Variants in PRR5 observed in about 807,000 individuals in gnomAD.
PRR5 encodes proline rich 5, also known as proline-rich protein 5.
PRR5 carries 25 observed loss-of-function variants against 30.6 expected under a neutral mutation model. That is an observed-to-expected ratio of 0.82 (90% CI 0.60 to 1.14). The LOEUF (loss-of-function observed/expected upper bound fraction) is 1.14. Ranked by LOEUF, PRR5 falls within the 50% of genes most tolerant of loss-of-function variation. The pLI, the probability that PRR5 is intolerant of heterozygous loss-of-function variation, is 0.00. For synonymous variants in PRR5, 286 were observed against 247.1 expected (o/e 1.16, Z -1.48); for missense variants, 600 against 547.1 (o/e 1.10, Z -0.96).
intron 3 of PRR5, 85 bp downstream of exon 3, chr22:44,725,377 G>C: frequency 6.3e-7 from 1 of 1,574,976 alleles, no homozygotes. Context: ...CCGGGGGTGT[G>C]GAGCGCCGGC....
At chr22:44,681,031 G>T (rs181618182) in intron 1 of PRR5, among the ~76,000 whole-genome samples, 1 of 152,344 alleles carries the variant, frequency 6.6e-6, no homozygotes, top group Non-Finnish European at 1.5e-5. Context: ...CACGGCAGCG[G>T]CTCTGCCTTC....
chr22:44,733,798 A>G (rs1347007671), intron 6 of PRR5, among the ~76,000 whole-genome samples: 2 of 152,102 alleles, frequency 1.3e-5, no homozygotes, highest in Non-Finnish European at 2.9e-5. Context: ...TCATTGTAAC[A>G]CAGGCCAGGA....
At chr22:44,678,272 G>T (rs1923945166) in intron 1 of PRR5, among the ~76,000 whole-genome samples, 1 of 150,190 alleles carries the variant, frequency 6.7e-6, no homozygotes. Flanking sequence ...CTGTTCCTAT[G>T]CCTAGTCTGA....
chr22:44,681,210 G>A (rs529207131), intron 1 of PRR5, among the ~76,000 whole-genome samples: 1 of 152,312 alleles, frequency 6.6e-6, no homozygotes, highest in East Asian at 1.9e-4. Flanking sequence ...TCTGCAGGAT[G>A]ATGGCTGTTC....
intron 7 of PRR5, among the ~76,000 whole-genome samples, chr22:44,736,231 A>C (rs1923225876): frequency 6.6e-6 from 1 of 152,086 alleles, no homozygotes; most frequent in Non-Finnish European, 1.5e-5. Context: ...GCCTGGCTAC[A>C]GGCTCCCCGC....
intron 1 of PRR5, among the ~76,000 whole-genome samples, chr22:44,668,973 T>C (rs1923257410): frequency 6.7e-6 from 1 of 148,734 alleles, no homozygotes; most frequent in African/African-American, 2.5e-5. Flanking sequence ...CGACGCCGAC[T>C]GCGGGGCCCT....
Position 44,710,500 on chromosome 22 carries a change from C to T in PRR5, c.135-4091C>T, listed in dbSNP as rs1277181777. 2.6e-5 allele frequency among the ~76,000 whole-genome samples: 4 copies of T among 152,314 alleles called. No individual in the cohort carries two copies. In the East Asian group the frequency reaches 7.7e-4, roughly 29 times the overall value. ...CAGAAGCCATGACATTTACACATGC[C>T]CCAACTGGGCCCGTCTTTGCAGGGC... On this transcript the variant is annotated intron_variant, in intron 1 of 7. Transcript: ENST00000336985.
chr22:44,710,504 A>G (rs1928028368), intron 1 of PRR5, among the ~76,000 whole-genome samples: 1 of 152,048 alleles, frequency 6.6e-6, no homozygotes, highest in South Asian at 2.1e-4. Context: ...ACATGCCCCA[A>G]CTGGGCCCGT....
intron 1 of PRR5, 144 bp from the exon 2 acceptor site, chr22:44,714,447 G>A (rs958421541): frequency 2.1e-5 from 24 of 1,167,428 alleles, no homozygotes; most frequent in East Asian, 7.4e-5. Context: ...GCAGGGCCTC[G>A]GAGTTGAAGT....
intron 1 of PRR5, among the ~76,000 whole-genome samples, chr22:44,693,331 G>A (rs7292020): frequency 0.12 from 18,462 of 151,982 alleles, 1,211 homozygotes; most frequent in Admixed American, 0.18. Flanking sequence ...GTGTGGTGGC[G>A]TGTGCCTGTA....
intron 1 of PRR5, among the ~76,000 whole-genome samples, chr22:44,684,992 G>GA (rs1924618366): frequency 6.6e-6 from 1 of 152,200 alleles, no homozygotes; most frequent in South Asian, 2.1e-4. Flanking sequence ...CCTGGTGGCC[G>GA]CTGGGGTTAC....
rs115518433 is a variant in PRR5 at position 44,726,835 on chromosome 22, C to T, written c.322+201C>T. Among the ~76,000 whole-genome samples, 454 of 152,266 alleles carry T rather than the reference C, an allele frequency of 3.0e-3. 3 individuals are homozygous for T. The highest frequency in any genetic ancestry group is 0.01 in the African/African-American group (416 of 41,554). On this transcript the variant is annotated intron_variant, in intron 4 of 7. Coordinates refer to ENST00000336985, the MANE Select transcript of PRR5 (RefSeq NM_181333.4). ...GAACCCTGGGAGAGGGTCTGCCCCC[C>T]GAACTTGCTGGAGCCCAGGAGGGCT...
chr22:44,736,718 G>A, intron 7 of PRR5, 54 bp from the exon 8 acceptor site: 1 of 1,511,014 alleles, frequency 6.6e-7, no homozygotes. Context: ...AGGTGCCAAG[G>A]CGGGCGGGGA....
upstream of PRR5, among the ~76,000 whole-genome samples, chr22:44,675,422 C>G (rs146550483): frequency 2.0e-5 from 3 of 152,152 alleles, no homozygotes; most frequent in East Asian, 3.9e-4. Flanking sequence ...GGTGTAATAT[C>G]GTGAGCATCT....
chr22:44,701,430 GAAT>G (rs1926275164), upstream of PRR5, among the ~76,000 whole-genome samples: 2 of 152,362 alleles, frequency 1.3e-5, no homozygotes, highest in African/African-American at 4.8e-5. Context: ...ATGGGGAGAA[GAAT>G]AATCTCTACC....
At chr22:44,697,363 G>C (rs374846072), upstream of PRR5, among the ~76,000 whole-genome samples, 5 of 152,270 alleles carry the variant, frequency 3.3e-5, no homozygotes, top group African/African-American at 1.2e-4. Flanking sequence ...GATTTTTTCT[G>C]TGCCCTCACA....
At chr22:44,718,857 T>C (rs561958841) in intron 2 of PRR5, among the ~76,000 whole-genome samples, 1 of 152,228 alleles carries the variant, frequency 6.6e-6, no homozygotes, top group Non-Finnish European at 1.5e-5. Context: ...TGTCTTTGTA[T>C]TATTGAGCTA....
intron 4 of PRR5, among the ~76,000 whole-genome samples, chr22:44,727,257 G>T (rs1425130670): frequency 6.6e-6 from 1 of 152,136 alleles, no homozygotes; most frequent in Non-Finnish European, 1.5e-5. Flanking sequence ...CACTGTGCAG[G>T]TTGGGCTTCC....
At chr22:44,717,648 G>T (rs1460788699) in intron 2 of PRR5, among the ~76,000 whole-genome samples, 3 of 151,662 alleles carry the variant, frequency 2.0e-5, no homozygotes, top group African/African-American at 7.3e-5. Flanking sequence ...AGCCCTTCAC[G>T]CCTGGCTTCT....
Sources: allele counts gnomAD v4.1 joint callset (sites outside exome capture counted in the v4.1 genomes callset), GRCh38; gene constraint gnomAD v4.1.1; transcripts MANE v1.5; gene names NCBI Gene and HGNC (gene_info 2026-07-23, HGNC 2026-07-21).